RALYL: variants seen among roughly 807,000 people sequenced by gnomAD.
RALYL encodes the protein RALY RNA binding protein like.
A neutral mutation model predicts 35.1 loss-of-function variants in RALYL; 29 were observed. That is an observed-to-expected ratio of 0.83 (90% confidence interval 0.61 to 1.13). The LOEUF (loss-of-function observed/expected upper bound fraction) is 1.13, where lower values mean the gene tolerates loss of function less well. Among genes scored for constraint, RALYL ranks in the 50% most tolerant of loss-of-function variants. The pLI is 0.00. For missense variants in RALYL, 359 were observed against 360.4 expected, an observed-to-expected ratio of 1.00 and a Z score of 0.03; for synonymous variants, 120 against 127.6, an observed-to-expected ratio of 0.94 and a Z score of 0.40.
intron 1 of RALYL, among the ~76,000 whole-genome samples, chr8:84,235,175 G>C (rs564471764): frequency 1.3e-5 from 2 of 152,248 alleles, no homozygotes; most frequent in Admixed American, 6.5e-5. Flanking sequence ...GCATTCTTCA[G>C]AGTTTCTTTT....
chr8:84,428,774 G>C (rs1028457546), intron 1 of RALYL, among the ~76,000 whole-genome samples: 1 of 152,032 alleles, frequency 6.6e-6, no homozygotes, highest in African/African-American at 2.4e-5. Flanking sequence ...ACTTTGTATA[G>C]TATAATTACC....
At chr8:84,406,241 C>A (rs897604938) in intron 1 of RALYL, among the ~76,000 whole-genome samples, 17 of 151,888 alleles carry the variant, frequency 1.1e-4, no homozygotes, top group African/African-American at 3.4e-4. Flanking sequence ...TGTAAATGTT[C>A]AATAGCCAGA....
chr8:84,241,788 A>G (rs1827963083), intron 1 of RALYL, among the ~76,000 whole-genome samples: 1 of 152,018 alleles, frequency 6.6e-6, no homozygotes, highest in Admixed American at 6.6e-5. Flanking sequence ...AAAAAAAAAA[A>G]AAAAAAAATC....
At chr8:84,738,173 G>A (rs1344087077) in intron 2 of RALYL, among the ~76,000 whole-genome samples, 2 of 151,950 alleles carry the variant, frequency 1.3e-5, no homozygotes, top group East Asian at 1.9e-4. Flanking sequence ...AAATCACATA[G>A]TATAGTATAA....
At chr8:84,680,501 C>T (rs1373626856) in intron 2 of RALYL, among the ~76,000 whole-genome samples, 1 of 152,174 alleles carries the variant, frequency 6.6e-6, no homozygotes, top group Non-Finnish European at 1.5e-5. Context: ...CACATCCTCT[C>T]CAGCACCTGT....
At chr8:84,264,083 A>G (rs1378377007) in intron 1 of RALYL, among the ~76,000 whole-genome samples, 2 of 152,188 alleles carry the variant, frequency 1.3e-5, no homozygotes, top group Non-Finnish European at 2.9e-5. Context: ...ATATGCATGC[A>G]TGTATCTTTG....
At chr8:84,874,582 G>C (rs1287493416) in intron 7 of RALYL, among the ~76,000 whole-genome samples, 1 of 152,146 alleles carries the variant, frequency 6.6e-6, no homozygotes, top group Non-Finnish European at 1.5e-5. Flanking sequence ...CCACACACAG[G>C]AGCCTGTCAG....
chr8:84,341,792 A>G (rs1270519432), intron 1 of RALYL, among the ~76,000 whole-genome samples: 1 of 151,998 alleles, frequency 6.6e-6, no homozygotes, highest in African/African-American at 2.4e-5. Context: ...ACCATTGTAC[A>G]GATACATTTC....
At chr8:84,825,325 T>G (rs1284205088) in intron 4 of RALYL, among the ~76,000 whole-genome samples, 1 of 152,022 alleles carries the variant, frequency 6.6e-6, no homozygotes. Flanking sequence ...GAATGGCTAT[T>G]ATTAAAAAAA....
intron 1 of RALYL, among the ~76,000 whole-genome samples, chr8:84,331,552 T>C (rs1846826843): frequency 6.6e-6 from 1 of 152,138 alleles, no homozygotes; most frequent in Admixed American, 6.6e-5. Context: ...TATTTCATTA[T>C]GCATCCAGAA....
chr8:84,893,735 T>G (rs1482963009), intron 8 of RALYL, among the ~76,000 whole-genome samples: 1 of 152,204 alleles, frequency 6.6e-6, no homozygotes, highest in South Asian at 2.1e-4. Context: ...GGTTTGAAAC[T>G]ACAGAGCTAA....
intron 2 of RALYL, among the ~76,000 whole-genome samples, chr8:84,605,744 G>A (rs1052852846): frequency 2.0e-5 from 3 of 152,014 alleles, no homozygotes; most frequent in Admixed American, 6.6e-5. Context: ...TCCCTATTGT[G>A]TTGGCCCAAC....
At chr8:84,303,921 T>C (rs1297539644) in intron 1 of RALYL, among the ~76,000 whole-genome samples, 1 of 152,124 alleles carries the variant, frequency 6.6e-6, no homozygotes, top group Non-Finnish European at 1.5e-5. Flanking sequence ...ATTCTATTGA[T>C]AAAATATAAA....
At chr8:84,496,540 C>T (rs138293360) in intron 1 of RALYL, among the ~76,000 whole-genome samples, 1,890 of 152,214 alleles carry the variant, frequency 0.012, 138 homozygotes, top group Admixed American at 0.12. Context: ...GCAAATGAAG[C>T]TGCTATATAT....
intron 5 of RALYL, among the ~76,000 whole-genome samples, chr8:84,861,135 T>A (rs1294228535): frequency 6.6e-6 from 1 of 152,172 alleles, no homozygotes; most frequent in Admixed American, 6.5e-5. Context: ...TTATTGACTG[T>A]TTTAAAGTAA....
At chr8:84,708,345 A>G (rs951326907) in intron 2 of RALYL, among the ~76,000 whole-genome samples, 1 of 152,104 alleles carries the variant, frequency 6.6e-6, no homozygotes, top group African/African-American at 2.4e-5. Context: ...TCACTATACA[A>G]GAGGAGGAGA....
intron 2 of RALYL, among the ~76,000 whole-genome samples, chr8:84,536,720 G>GA (rs1564104556): frequency 6.6e-6 from 1 of 152,074 alleles, no homozygotes. Context: ...TTTGGACTGA[G>GA]AAAAAAGAAG....
chr8:84,565,846 T>C (rs942463470), intron 2 of RALYL, among the ~76,000 whole-genome samples: 2 of 151,654 alleles, frequency 1.3e-5, no homozygotes, highest in African/African-American at 4.8e-5. Flanking sequence ...ATTTGTAAAA[T>C]GTGTTAATAC....
chr8:84,403,524 G>T (rs10102656), intron 1 of RALYL, among the ~76,000 whole-genome samples: 1,406 of 39,220 alleles, frequency 0.036, 24 homozygotes, highest in African/African-American at 0.067. Context: ...CTATATCTCT[G>T]TTTTTTTTTT....
Sources: allele counts gnomAD v4.1 joint callset (sites outside exome capture counted in the v4.1 genomes callset), GRCh38; gene constraint gnomAD v4.1.1; transcripts MANE v1.5; gene names NCBI Gene and HGNC (gene_info 2026-07-23, HGNC 2026-07-21).